The following DSCAML1 variants were observed in gnomAD, a reference collection of about 807,000 sequenced individuals.
DSCAML1 encodes the protein DS cell adhesion molecule like 1.
Under a neutral mutation model 200.5 loss-of-function variants are expected in DSCAML1, and 38 were observed. The ratio of observed to expected loss-of-function variants is 0.19; its 90% CI spans 0.15 to 0.25. DSCAML1 has a LOEUF of 0.25. DSCAML1 is among the 10% of genes least tolerant of loss of function. DSCAML1 has a pLI of 1.00. For missense variants in DSCAML1, 2,223 were observed against 2,858.8 expected (o/e 0.78, Z 5.07); for synonymous variants, 1,215 against 1,165.0 (o/e 1.04, Z -0.87).
intron 1 of DSCAML1, among the ~76,000 whole-genome samples, chr11:117,790,788 A>G (rs1208644200): frequency 6.6e-6 from 1 of 152,250 alleles, no homozygotes; most frequent in Non-Finnish European, 1.5e-5. Flanking sequence ...CACATGAACC[A>G]TTAGGCAACT....
In DSCAML1 at chr11:117,642,802, C is replaced by T. The variant is rs555420259; in HGVS notation, c.512-110280G>A. Among the ~76,000 whole-genome samples, 9 of 152,306 alleles carry T rather than the reference C, an allele frequency of 5.9e-5. No individual in the cohort carries two copies. In the South Asian group the frequency reaches 1.9e-3, roughly 32 times the overall value. ...TTGGATTCCTTCATCCCCTTTCCAC[C>T]TCCAACCCTTTGTCCAGAGCACCCT... On this transcript the variant is annotated intron_variant, in intron 3 of 32. Transcript: ENST00000651296. The surrounding 1 kb of genome is among the most constrained non-coding windows in gnomAD (Gnocchi z 4.1).
intron 3 of DSCAML1, among the ~76,000 whole-genome samples, chr11:117,610,147 G>A (rs906658378): frequency 6.6e-6 from 1 of 152,212 alleles, no homozygotes; most frequent in African/African-American, 2.4e-5. Context: ...TTGTTGGGGA[G>A]AGAAATTGTG....
Position 117,780,223 on chromosome 11 carries a change from GAAAGA to G in DSCAML1, c.364+265_364+269del, listed in dbSNP as rs2055212466. 1.1e-5 allele frequency among the ~76,000 whole-genome samples: 1 copy of G among 91,962 alleles called. No homozygotes were observed. 60.3% of individuals were successfully genotyped at this position (91,962 alleles called of 152,430 possible). Reference sequence around the variant, plus strand: ...AGAGAAAGAAAGAGAGAGAGAGAAAGAAAGAAAGGAAAGAAAGAAAGAAAGAAAGA... The same window carrying G: ...AGAGAAAGAAAGAGAGAGAGAGAAAGAAGGAAAGAAAGAAAGAAAGAAAGA... On this transcript the variant is annotated intron_variant, in intron 2 of 32. Coordinates refer to ENST00000651296, the MANE Select transcript of DSCAML1 (RefSeq NM_020693.4). This position sits in a 1 kb window ranked among gnomAD's most constrained non-coding sequence, Gnocchi z 4.8.
At chr11:117,745,078 G>A (rs1401908655) in intron 3 of DSCAML1, among the ~76,000 whole-genome samples, 1 of 152,144 alleles carries the variant, frequency 6.6e-6, no homozygotes, top group East Asian at 1.9e-4. Flanking sequence ...CCAGGCATAA[G>A]AGAACGCTTC....
chr11:117,648,725 T>C (rs1255345626), intron 3 of DSCAML1, among the ~76,000 whole-genome samples: 1 of 152,192 alleles, frequency 6.6e-6, no homozygotes, highest in Non-Finnish European at 1.5e-5. Context: ...TGGTAGCTGC[T>C]CCATAAATGT....
intron 3 of DSCAML1, among the ~76,000 whole-genome samples, chr11:117,598,135 C>T (rs1434875041): frequency 1.3e-5 from 2 of 152,214 alleles, no homozygotes; most frequent in East Asian, 1.9e-4. Context: ...CAAACATTCT[C>T]TCCAGCTCTC....
At chr11:117,623,281 A>T (rs1290665305) in intron 3 of DSCAML1, among the ~76,000 whole-genome samples, 2 of 129,572 alleles carry the variant, frequency 1.5e-5, no homozygotes, top group Admixed American at 2.0e-4. Flanking sequence ...CAGTGGCGTG[A>T]TCTCAGTTCA....
intron 3 of DSCAML1, among the ~76,000 whole-genome samples, chr11:117,621,043 G>C (rs12799401): frequency 0.096 from 14,655 of 152,168 alleles, 880 homozygotes; most frequent in Non-Finnish European, 0.12. Flanking sequence ...TGCAAGAAAT[G>C]TCTTCATTTC....
At chr11:117,453,806 C>T (rs10892113) in intron 19 of DSCAML1, among the ~76,000 whole-genome samples, 54,721 of 147,342 alleles carry the variant, frequency 0.37, 11,543 homozygotes, top group Non-Finnish European at 0.48. Context: ...TGCAGTAGTG[C>T]GATCTTGGCT....
intron 11 of DSCAML1, among the ~76,000 whole-genome samples, chr11:117,485,744 G>C (rs2049034253): frequency 6.6e-6 from 1 of 152,234 alleles, no homozygotes; most frequent in South Asian, 2.1e-4. Flanking sequence ...GTCAGGACAA[G>C]GGTCTTTTTG....
At chr11:117,455,064 A>C (rs1397365452) in intron 19 of DSCAML1, among the ~76,000 whole-genome samples, 1 of 152,002 alleles carries the variant, frequency 6.6e-6, no homozygotes, top group Admixed American at 6.6e-5. Flanking sequence ...CAGGGCCTCT[A>C]TTTTCCCCTG....
chr11:117,644,899 C>T (rs376750620), intron 3 of DSCAML1, among the ~76,000 whole-genome samples: 5 of 152,250 alleles, frequency 3.3e-5, no homozygotes, highest in East Asian at 3.8e-4. Flanking sequence ...ACCTCACCCA[C>T]GCTGACCTCA....
At chr11:117,452,216 T>C (rs1463999151) in intron 19 of DSCAML1, among the ~76,000 whole-genome samples, 1 of 152,246 alleles carries the variant, frequency 6.6e-6, no homozygotes, top group African/African-American at 2.4e-5. Context: ...TGTGTCAAAG[T>C]CTTCCACTGT....
chr11:117,715,238 T>C (rs907294669), intron 3 of DSCAML1, among the ~76,000 whole-genome samples: 1 of 152,032 alleles, frequency 6.6e-6, no homozygotes, highest in African/African-American at 2.4e-5. Context: ...GCTCCCTCCT[T>C]CCCTCCTTGT....
At chr11:117,765,981 AC>A (rs1365934614) in intron 3 of DSCAML1, among the ~76,000 whole-genome samples, 1 of 152,236 alleles carries the variant, frequency 6.6e-6, no homozygotes, top group Non-Finnish European at 1.5e-5. Flanking sequence ...GGAAACAGGT[AC>A]AACCGCACCT....
chr11:117,471,234 C>A (rs969054490), intron 15 of DSCAML1, among the ~76,000 whole-genome samples: 45 of 151,006 alleles, frequency 3.0e-4, no homozygotes, highest in Non-Finnish European at 4.4e-5. Flanking sequence ...TGCAGTGGTG[C>A]GATCTTGGCT....
Position 117,771,883 on chromosome 11 carries a change from G to GTTA in DSCAML1, c.511+4905_511+4907dup, listed in dbSNP as rs144932985. Reference sequence around the variant, plus strand: ...CAGCATAGGTATTATCATTAATCTTGTTATTATTATTATTATTCCTCTGTG... The same window carrying GTTA: ...CAGCATAGGTATTATCATTAATCTTGTTATTATTATTATTATTATTCCTCTGTG... On this transcript the variant is annotated intron_variant, in intron 3 of 32. Coordinates refer to ENST00000651296, the MANE Select transcript of DSCAML1 (RefSeq NM_020693.4). 6.6e-5 allele frequency among the ~76,000 whole-genome samples: 10 copies of GTTA among 152,024 alleles called. No individual in the cohort carries two copies. In the East Asian group the frequency reaches 9.6e-4, roughly 15 times the overall value.
At position 117,520,177 on chromosome 11, in the gene DSCAML1, C is replaced by T. The variant is rs374726528; in HGVS notation, c.1213+953G>A. 8.1e-4 allele frequency among the ~76,000 whole-genome samples: 124 copies of T among 152,308 alleles called. 3 individuals carry two copies. The South Asian group carries it at 0.025, about 31-fold the overall frequency. On this transcript the variant is annotated intron_variant, in intron 6 of 32. Coordinates refer to ENST00000651296, the MANE Select transcript of DSCAML1 (RefSeq NM_020693.4). ...TCCTCTGTGTGGGCACAGCCCAGTG[C>T]CAGGGCTGATGGGTTGGCAAATGAG...
At chr11:117,788,609 G>A (rs2055405885) in intron 1 of DSCAML1, among the ~76,000 whole-genome samples, 3 of 152,202 alleles carry the variant, frequency 2.0e-5, no homozygotes, top group Non-Finnish European at 2.9e-5. Context: ...TTACAGGCAT[G>A]AGCCACCATG....
Sources: allele counts gnomAD v4.1 joint callset (sites outside exome capture counted in the v4.1 genomes callset), GRCh38; gene constraint gnomAD v4.1.1; non-coding constraint Gnocchi (gnomAD v3.1); transcripts MANE v1.5; gene names NCBI Gene and HGNC (gene_info 2026-07-23, HGNC 2026-07-21).